Variants in HIPK1 observed in about 807,000 individuals in gnomAD.
HIPK1 encodes homeodomain interacting protein kinase 1, also known as homeodomain-interacting protein kinase 1.
A neutral mutation model predicts 117.1 loss-of-function variants in HIPK1; 28 were observed. The ratio of observed to expected loss-of-function variants is 0.24; its 90% CI spans 0.18 to 0.33. The LOEUF is 0.33. Ranked by LOEUF, HIPK1 falls within the 10% of genes least tolerant of loss-of-function variation. The probability of loss-of-function intolerance (pLI) is 1.00; values close to 1 mark genes in which losing one functional copy is unlikely to be tolerated. For synonymous variants in HIPK1, 605 were observed against 562.5 expected (o/e 1.08, Z -1.07); for missense variants, 1,122 against 1,475.1 (o/e 0.76, Z 3.92).
intron 7 of HIPK1, 97 bp from the exon 8 acceptor site, chr1:113,957,969 C>A: frequency 3.4e-6 from 3 of 888,720 alleles, no homozygotes; most frequent in Non-Finnish European, 3.5e-6. Flanking sequence ...CATTTTAAAA[C>A]ATTATTCTAC....
intron 10 of HIPK1, 60 bp from the exon 11 acceptor site, chr1:113,966,067 AAAC>A (rs1672425637): frequency 2.0e-6 from 3 of 1,512,488 alleles, no homozygotes; most frequent in Non-Finnish European, 2.7e-6. Context: ...TTCTTTAAAA[AAAC>A]AGAAGAAAAA....
In HIPK1 at chr1:113,931,558, C is replaced by T. The variant is rs537574682; in HGVS notation, c.-3+2026C>T. Among the ~76,000 whole-genome samples the T allele has an allele frequency of 9.2e-5, 14 of 152,172 alleles. No individual in the cohort carries two copies. In the South Asian group the frequency reaches 2.3e-3, roughly 25 times the overall value. Reference sequence around the variant, plus strand: ...ATACCTTCATGAATAGTTTATCTCTCGACACTGTAGTTTTGTGGTTTTTTG... The same window carrying T: ...ATACCTTCATGAATAGTTTATCTCTTGACACTGTAGTTTTGTGGTTTTTTG... On this transcript the variant is annotated intron_variant, in intron 1 of 15. Coordinates refer to ENST00000426820, the MANE Select transcript of HIPK1 (RefSeq NM_198268.3).
At chr1:113,964,058 T>C (rs1354118846) in intron 10 of HIPK1, among the ~76,000 whole-genome samples, 1 of 152,256 alleles carries the variant, frequency 6.6e-6, no homozygotes, top group African/African-American at 2.4e-5. Flanking sequence ...GCTTTCTCAG[T>C]TGATACTAAC....
chr1:113,970,012 C>T lies in HIPK1; in HGVS notation c.2828C>T (p.Pro943Leu), dbSNP rs1300415370. ...AGTTATGTCACTGTCAATGATTCTCCAGACTCTGACTCTTCTTTGAGCAGC... is the reference window on the plus strand; with the variant it reads ...AGTTATGTCACTGTCAATGATTCTCTAGACTCTGACTCTTCTTTGAGCAGC... ...VISYVTVNDSPDSDSSLSSPY... is the reference protein window; with the variant it reads ...VISYVTVNDSLDSDSSLSSPY... Residue 943 changes from proline to leucine, a missense_variant, in exon 14 of 16, where the codon CCA (proline) becomes CTA (leucine). By Grantham distance (98) the Pro-to-Leu change is moderately conservative. This residue lies in a region of HIPK1 where 731 missense variants were observed against 860.4 expected (regional missense o/e 0.85). Transcript: ENST00000426820. 1 of 1,614,118 alleles carries T rather than the reference C, an allele frequency of 6.2e-7. No homozygotes were observed. The highest frequency in any genetic ancestry group is 1.1e-5 in the South Asian group (1 of 91,080).
chr1:113,952,912 A>C, intron 3 of HIPK1, 23 bp downstream of exon 3: 1 of 1,459,936 alleles, frequency 6.8e-7, no homozygotes, highest in Non-Finnish European at 9.1e-7. Flanking sequence ...ATTTGAATGG[A>C]AATAGAATGC....
intron 2 of HIPK1, among the ~76,000 whole-genome samples, chr1:113,946,292 A>G (rs1425279313): frequency 6.6e-6 from 1 of 152,196 alleles, no homozygotes; most frequent in Non-Finnish European, 1.5e-5. Flanking sequence ...GGCAGACCAC[A>G]GCTGAAGGAA....
chr1:113,971,910 C>A lies in HIPK1; in HGVS notation c.3100C>A (p.Gln1034Lys). The change falls in exon 15 of 16, where the codon CAA becomes AAA. Residue 1034 changes from glutamine to lysine, a missense_variant. This residue lies in a region of HIPK1 where 731 missense variants were observed against 860.4 expected (regional missense o/e 0.85). Coordinates refer to ENST00000426820, the MANE Select transcript of HIPK1 (RefSeq NM_198268.3). ...TATCACCCCCACAGGGTATCGAGCTCAACGCGGGGGGACCAGTGCAGCACA... is the reference window on the plus strand; with the variant it reads ...TATCACCCCCACAGGGTATCGAGCTAAACGCGGGGGGACCAGTGCAGCACA... ...CCITPTGYRA[Q>K]RGGTSAAQPL... is the part of the protein sequence containing the mutation. The A allele has an allele frequency of 6.2e-7, 1 of 1,607,860 alleles. No individual in the cohort carries two copies. The highest frequency in any genetic ancestry group is 1.1e-5 in the South Asian group (1 of 89,512).
At chr1:113,949,230 G>T (rs994179185) in intron 2 of HIPK1, among the ~76,000 whole-genome samples, 3 of 152,142 alleles carry the variant, frequency 2.0e-5, no homozygotes, top group African/African-American at 7.2e-5. Context: ...TTTCTAGTAT[G>T]GTAGGAATAG....
In HIPK1 at chr1:113,973,600, C is replaced by G; in HGVS notation, c.*88C>G. On this transcript the variant is annotated 3_prime_UTR_variant, in exon 16 of 16. Coordinates refer to ENST00000426820, the MANE Select transcript of HIPK1 (RefSeq NM_198268.3). Reference sequence around the variant, plus strand: ...GGGCTATGGAGAGATCCTCCTTTACCCTCTTGAAATTTCTTAGCCAGCAAC... The same window carrying G: ...GGGCTATGGAGAGATCCTCCTTTACGCTCTTGAAATTTCTTAGCCAGCAAC... The G allele has an allele frequency of 6.9e-7, 1 of 1,447,266 alleles. No individual in the cohort carries two copies. The highest frequency in any genetic ancestry group is 9.2e-7 in the Non-Finnish European group (1 of 1,087,436). The allele number at this position is 1,447,266 out of a possible 1,614,324, so 89.7% of individuals were successfully genotyped here.
Position 113,963,485 on chromosome 1 carries a change from C to T in HIPK1, c.2202C>T (p.Gly734=), listed in dbSNP as rs1672257152. 1 of 1,614,194 alleles carries T rather than the reference C, an allele frequency of 6.2e-7. No individual in the cohort carries two copies. The highest frequency in any genetic ancestry group is 8.5e-7 in the Non-Finnish European group (1 of 1,180,024). The change falls in exon 10 of 16, where the codon GGC becomes GGT. Residue 734 remains glycine, a synonymous_variant. Coordinates refer to ENST00000426820, the MANE Select transcript of HIPK1 (RefSeq NM_198268.3). Reference sequence around the variant, plus strand: ...CCTTTACTCTGAGCTGCGCAGCCGGCCGGCCGGCGCTGGTTGAACAGACTG... The same window carrying T: ...CCTTTACTCTGAGCTGCGCAGCCGGTCGGCCGGCGCTGGTTGAACAGACTG... ...AVPFTLSCAA[G]RPALVEQTAA... is the part of the protein sequence containing the mutation.
At chr1:113,936,454 G>A (rs1262785066) in intron 1 of HIPK1, among the ~76,000 whole-genome samples, 1 of 151,988 alleles carries the variant, frequency 6.6e-6, no homozygotes, top group East Asian at 1.9e-4. Flanking sequence ...ATTTTATAGA[G>A]TATCTAGTTA....
chr1:113,967,883 C>T lies in HIPK1; in HGVS notation c.2499C>T (p.Val833=), dbSNP rs55705067. ...QPLNVGVAHV[V]RQQQSSSLPS... is the part of the protein sequence containing the mutation. ...TGAATGTTGGTGTTGCCCATGTTGT[C>T]AGACAACAACAATCCAGTTCCCTCC... The change falls in exon 12 of 16, where the codon GTC becomes GTT. Residue 833 remains valine (V), a synonymous_variant. Coordinates refer to ENST00000426820, the MANE Select transcript of HIPK1 (RefSeq NM_198268.3). 20 of 1,611,382 alleles carry T rather than the reference C, an allele frequency of 1.2e-5. No individual in the cohort carries two copies. The highest frequency in any genetic ancestry group is 1.5e-5 in the Non-Finnish European group (18 of 1,179,396).
Position 113,977,323 on chromosome 1 carries a change from G to C in HIPK1, c.*3811G>C, listed in dbSNP as rs1239159286. 2.6e-5 allele frequency: 4 copies of C among 152,354 alleles called. No homozygotes were observed. The highest frequency in any genetic ancestry group is 5.9e-5 in the Non-Finnish European group (4 of 67,994). 9.4% of individuals were successfully genotyped at this position (152,354 alleles called of 1,614,324 possible). A position where few individuals can be genotyped will look rare whatever the true frequency, so the allele number is the denominator to read the frequency against. On this transcript the variant is annotated 3_prime_UTR_variant, in exon 16 of 16. Transcript: ENST00000426820. Reference sequence around the variant, plus strand: ...TTATATAATGTGTGGTTTCAATTCAGCTTGAAAAATAATCTCACTACATGT... The same window carrying C: ...TTATATAATGTGTGGTTTCAATTCACCTTGAAAAATAATCTCACTACATGT...
intron 8 of HIPK1, among the ~76,000 whole-genome samples, chr1:113,958,548 C>T (rs1490625630): frequency 6.6e-6 from 1 of 152,152 alleles, no homozygotes; most frequent in Admixed American, 6.5e-5. Context: ...TTTTCTTGCC[C>T]ATTGAGTCCT....
chr1:113,950,391 T>A (rs1671270441), intron 2 of HIPK1, among the ~76,000 whole-genome samples: 1 of 152,234 alleles, frequency 6.6e-6, no homozygotes, highest in Admixed American at 6.5e-5. Context: ...GATCTGGATC[T>A]GGAGTGTCCT....
chr1:113,936,641 C>T (rs146643568), intron 1 of HIPK1, among the ~76,000 whole-genome samples: 2,523 of 152,166 alleles, frequency 0.017, 76 homozygotes, highest in African/African-American at 0.057. Context: ...ATTTTTGTAT[C>T]TTTAGTAGAG....
intron 8 of HIPK1, among the ~76,000 whole-genome samples, chr1:113,961,650 T>C (rs571974371): frequency 5.9e-5 from 9 of 152,048 alleles, no homozygotes; most frequent in African/African-American, 9.7e-5. Context: ...CCTAGTGGAT[T>C]AAAAAGTGAA....
chr1:113,953,340 G>A (rs539426134), intron 3 of HIPK1, among the ~76,000 whole-genome samples: 180 of 152,264 alleles, frequency 1.2e-3, no homozygotes, highest in African/African-American at 4.3e-3. Flanking sequence ...GACATACTGG[G>A]TCGCTAAGAT....
In HIPK1 at chr1:113,975,165, TAG is replaced by T. The variant is rs1198725902; in HGVS notation, c.*1656_*1657del. 6.5e-6 allele frequency: 1 copy of T among 152,760 alleles called. No individual in the cohort carries two copies. The highest frequency in any genetic ancestry group is 2.4e-5 in the African/African-American group (1 of 41,436). 9.5% of individuals were successfully genotyped at this position (152,760 alleles called of 1,614,324 possible). ...CCTTATATGATAATGTAGTGGTTAATAGAGTTTACAGTGAGCTTGCCTTAGGA... is the reference window on the plus strand; with the variant it reads ...CCTTATATGATAATGTAGTGGTTAATAGTTTACAGTGAGCTTGCCTTAGGA... On this transcript the variant is annotated 3_prime_UTR_variant, in exon 16 of 16. Transcript: ENST00000426820.
Sources: gnomAD v4.1 joint callset for allele counts (sites outside exome capture counted in the v4.1 genomes callset) on GRCh38, gnomAD v4.1.1 for gene constraint, gnomAD v4.1.1 regional missense constraint, MANE v1.5 for transcripts, NCBI Gene and HGNC (gene_info 2026-07-23, HGNC 2026-07-21) for gene names.